The following CLMN variants were observed in gnomAD, a reference collection of about 807,000 sequenced individuals.
The protein encoded by CLMN is calmin (calponin-like, transmembrane).
CLMN carries 57 observed loss-of-function variants against 92.7 expected under a neutral mutation model. That is an observed-to-expected ratio of 0.61 (90% CI 0.50 to 0.77). CLMN has a LOEUF of 0.77. CLMN is among the 30% of genes least tolerant of loss of function. The pLI is 0.00. For synonymous variants in CLMN, 466 were observed against 470.6 expected (o/e 0.99, Z 0.13); for missense variants, 1,158 against 1,237.5 (o/e 0.94, Z 0.96).
intron 1 of CLMN, among the ~76,000 whole-genome samples, chr14:95,308,217 AAAACCTGGTGTGTAAATGACTCT>A: frequency 6.6e-6 from 1 of 152,352 alleles, no homozygotes; most frequent in Middle Eastern, 3.4e-3. Context: ...TAGTTCAAGG[AAAACCTGGTGTGTAAATGACTCT>A]AAACAGAACC....
chr14:95,193,141 A>C (rs1307823171), intron 12 of CLMN: 7 of 553,606 alleles, frequency 1.3e-5, no homozygotes, highest in Non-Finnish European at 1.9e-5. Context: ...CGAGTAAATA[A>C]AATTTTTTAA....
intron 1 of CLMN, among the ~76,000 whole-genome samples, chr14:95,311,595 C>A (rs1307729272): frequency 1.3e-5 from 2 of 152,180 alleles, no homozygotes; most frequent in Non-Finnish European, 1.5e-5. Flanking sequence ...CCAAGAAGCA[C>A]TAGAACACAA....
At chr14:95,197,911 C>A (rs565624033) in intron 9 of CLMN, among the ~76,000 whole-genome samples, 1 of 152,202 alleles carries the variant, frequency 6.6e-6, no homozygotes, top group East Asian at 1.9e-4. Context: ...CACAGGCTGC[C>A]CTCATCAATG....
chr14:95,234,088 G>A (rs567986237), intron 1 of CLMN, among the ~76,000 whole-genome samples: 1 of 152,318 alleles, frequency 6.6e-6, no homozygotes, highest in Admixed American at 6.5e-5. Context: ...CCACTTCAGC[G>A]CCACGCACCA....
At position 95,193,564 on chromosome 14, in the gene CLMN, C is replaced by T. The variant is rs74079253; in HGVS notation, c.2840+285G>A. On this transcript the variant is annotated intron_variant, in intron 12 of 12. Coordinates refer to ENST00000298912, the MANE Select transcript of CLMN (RefSeq NM_024734.4). ...CTAAACCACCCTATACTCTATACCA[C>T]TCATTTAAACACAGCTGCAGGCTCA... 1,365 of 669,180 alleles carry T rather than the reference C, an allele frequency of 2.0e-3. 16 individuals carry two copies. The African/African-American group carries it at 0.021, about 10-fold the overall frequency. The allele number at this position is 669,180 out of a possible 1,614,324, so 41.5% of individuals were successfully genotyped here.
At chr14:95,281,879 T>C (rs567983640) in intron 1 of CLMN, among the ~76,000 whole-genome samples, 23 of 152,300 alleles carry the variant, frequency 1.5e-4, no homozygotes, top group African/African-American at 5.5e-4. Context: ...TGTTTTCTGG[T>C]ACCAAGAAGG....
intron 1 of CLMN, among the ~76,000 whole-genome samples, chr14:95,305,736 C>T (rs1180049476): frequency 1.3e-5 from 2 of 152,146 alleles, no homozygotes; most frequent in African/African-American, 4.8e-5. Flanking sequence ...AGCACCAACG[C>T]AGGTCACCTT....
At chr14:95,315,150 T>C (rs1254953436) in intron 1 of CLMN, among the ~76,000 whole-genome samples, 3 of 152,018 alleles carry the variant, frequency 2.0e-5, no homozygotes, top group Admixed American at 2.0e-4. Context: ...AGGGGTGGGC[T>C]GTGGGGGCAG....
chr14:95,222,056 C>T (rs1007243108), intron 3 of CLMN, among the ~76,000 whole-genome samples: 2 of 152,126 alleles, frequency 1.3e-5, no homozygotes, highest in African/African-American at 4.8e-5. Context: ...AGTGGGTCAG[C>T]AAGGGACAAA....
rs1896453340 is a variant in CLMN at position 95,186,864 on chromosome 14, A to C, written c.*4700T>G. The stretch of plus-strand genomic sequence containing the variant: ...GTGTGAGCCACTACTGTGCCTAGCC[A>C]GTTTTCTGTTTCTTAAGTGAAGCAA... On this transcript the variant is annotated 3_prime_UTR_variant, in exon 13 of 13. Coordinates refer to ENST00000298912, the MANE Select transcript of CLMN (RefSeq NM_024734.4). The C allele has an allele frequency of 6.6e-6, 1 of 152,190 alleles. No individual in the cohort carries two copies. The highest frequency in any genetic ancestry group is 2.1e-4 in the South Asian group (1 of 4,824). 9.4% of individuals were successfully genotyped at this position (152,190 alleles called of 1,614,324 possible). A position where few individuals can be genotyped will look rare whatever the true frequency, so the allele number is the denominator to read the frequency against.
chr14:95,287,714 G>A (rs1480630201), intron 1 of CLMN, among the ~76,000 whole-genome samples: 1 of 152,204 alleles, frequency 6.6e-6, no homozygotes, highest in African/African-American at 2.4e-5. Context: ...TGTCCATAAA[G>A]CTCAGACAAC....
chr14:95,315,301 G>A (rs188553109), intron 1 of CLMN, among the ~76,000 whole-genome samples: 117 of 152,218 alleles, frequency 7.7e-4, no homozygotes, highest in African/African-American at 2.7e-3. Context: ...GGTCACATGG[G>A]ACCATGATAC....
intron 1 of CLMN, among the ~76,000 whole-genome samples, chr14:95,289,518 C>T (rs866600623): frequency 7.8e-4 from 107 of 137,688 alleles, no homozygotes; most frequent in African/African-American, 2.7e-3. Flanking sequence ...AACAAACAAA[C>T]AAACAAAAAA....
rs559680097 is a variant in CLMN at position 95,261,972 on chromosome 14, G to A, written c.83-31839C>T. 3.3e-5 allele frequency among the ~76,000 whole-genome samples: 5 copies of A among 152,222 alleles called. No individual in the cohort carries two copies. The South Asian group carries it at 6.2e-4, about 19-fold the overall frequency. ...TGTCCTGGAAATTTTTCCTCCAAGCGGCAGCTTGGCTCTGGGCTCAGGAGG... is the reference window on the plus strand; with the variant it reads ...TGTCCTGGAAATTTTTCCTCCAAGCAGCAGCTTGGCTCTGGGCTCAGGAGG... On this transcript the variant is annotated intron_variant, in intron 1 of 12. Coordinates refer to ENST00000298912, the MANE Select transcript of CLMN (RefSeq NM_024734.4).
intron 8 of CLMN, among the ~76,000 whole-genome samples, chr14:95,207,031 A>C (rs1897064292): frequency 6.6e-6 from 1 of 152,256 alleles, no homozygotes; most frequent in East Asian, 1.9e-4. Context: ...ACAGGCCTCA[A>C]TGGACTAAAA....
chr14:95,319,297 G>A (rs1901933517), intron 1 of CLMN, among the ~76,000 whole-genome samples: 1 of 125,830 alleles, frequency 7.9e-6, no homozygotes, highest in South Asian at 2.5e-4. Context: ...TAGGAAGTGC[G>A]CGAACTCACA....
intron 1 of CLMN, among the ~76,000 whole-genome samples, chr14:95,301,370 C>A (rs1901047623): frequency 6.6e-6 from 1 of 152,228 alleles, no homozygotes; most frequent in African/African-American, 2.4e-5. Context: ...TTTTGACTGC[C>A]ACATGACTGG....
chr14:95,245,925 T>G (rs531285853), intron 1 of CLMN, among the ~76,000 whole-genome samples: 2 of 151,754 alleles, frequency 1.3e-5, no homozygotes, highest in East Asian at 3.9e-4. Flanking sequence ...GATGGATGGA[T>G]GGATGGATGG....
chr14:95,316,575 A>T (rs1294759916), intron 1 of CLMN, among the ~76,000 whole-genome samples: 1 of 152,262 alleles, frequency 6.6e-6, no homozygotes, highest in Non-Finnish European at 1.5e-5. Context: ...ATGACCTATG[A>T]CATCACAATC....
Sources: gnomAD v4.1 joint callset for allele counts (sites outside exome capture counted in the v4.1 genomes callset) on GRCh38, gnomAD v4.1.1 for gene constraint, MANE v1.5 for transcripts, NCBI Gene and HGNC (gene_info 2026-07-23, HGNC 2026-07-21) for gene names.